Variants in GNB1L observed in about 807,000 individuals in gnomAD.
GNB1L encodes guanine nucleotide-binding protein subunit beta-like protein 1.
In GNB1L, 20 loss-of-function variants were observed where a neutral mutation model predicts 29.1. The ratio of observed to expected loss-of-function variants is 0.69; its 90% CI spans 0.48 to 1.00. The LOEUF is 1.00. GNB1L is among the 50% of genes least tolerant of loss of function. The probability of loss-of-function intolerance (pLI) is 0.00; values close to 1 mark genes in which losing one functional copy is unlikely to be tolerated. For synonymous variants in GNB1L, 193 were observed against 206.5 expected, an observed-to-expected ratio of 0.93 and a Z score of 0.56; for missense variants, 421 against 464.9, an observed-to-expected ratio of 0.91 and a Z score of 0.87.
intron 2 of GNB1L, among the ~76,000 whole-genome samples, chr22:19,843,867 G>T (rs768054438): frequency 9.2e-5 from 14 of 152,214 alleles, no homozygotes; most frequent in Non-Finnish European, 1.8e-4. Context: ...CTCCATCCTA[G>T]AGAAATGGTC....
At chr22:19,827,287 CCTAT>C (rs1320508246) in intron 2 of GNB1L, among the ~76,000 whole-genome samples, 1 of 152,134 alleles carries the variant, frequency 6.6e-6, no homozygotes, top group East Asian at 1.9e-4. Context: ...TTAATCTCTA[CCTAT>C]CTATGTATGA....
At chr22:19,828,955 C>T (rs529245424) in intron 2 of GNB1L, among the ~76,000 whole-genome samples, 65 of 152,188 alleles carry the variant, frequency 4.3e-4, no homozygotes, top group Non-Finnish European at 8.1e-4. Context: ...CCTCAGCCTC[C>T]CGAGTAGCTG....
intron 7 of GNB1L, chr22:19,792,596 G>A: frequency 4.4e-6 from 7 of 1,597,562 alleles, no homozygotes; most frequent in Admixed American, 1.7e-5. Context: ...TGGCCCACAA[G>A]TACAGACCAG....
chr22:19,802,240 A>G, intron 6 of GNB1L, 24 bp from the exon 7 acceptor site: 3 of 1,590,286 alleles, frequency 1.9e-6, no homozygotes, highest in Non-Finnish European at 2.6e-6. Flanking sequence ...CAGAGCAGTC[A>G]GCTCCTGGAA....
rs113860931 is a variant in GNB1L at position 19,820,116 on chromosome 22, T to G, written c.254+482A>C. On this transcript the variant is annotated intron_variant, in intron 4 of 7. Coordinates refer to ENST00000329517, the MANE Select transcript of GNB1L (RefSeq NM_053004.3). ...CGGCACCGTGTGTGACCTGCCATGC[T>G]CATGGCACACGGCCCAGGCAGGATG... Among the ~76,000 whole-genome samples the G allele has an allele frequency of 9.3e-3, 1,420 of 152,184 alleles. 29 individuals carry two copies. Among genetic ancestry groups the G allele is most frequent in the African/African-American group, 0.032 (1,338 of 41,508 alleles).
chr22:19,826,221 G>A (rs1937618683), intron 2 of GNB1L, among the ~76,000 whole-genome samples: 1 of 152,162 alleles, frequency 6.6e-6, no homozygotes, highest in South Asian at 2.1e-4. Context: ...GTGTTAGGCT[G>A]AGCCAGCACT....
chr22:19,796,488 C>T (rs1413413259), intron 7 of GNB1L, among the ~76,000 whole-genome samples: 1 of 152,194 alleles, frequency 6.6e-6, no homozygotes, highest in African/African-American at 2.4e-5. Flanking sequence ...ATCATTCAGA[C>T]CTTGTTCCCA....
At position 19,793,067 on chromosome 22, in the gene GNB1L, T is replaced by C. The variant is rs1937269864; in HGVS notation, c.733-4107A>G. On this transcript the variant is annotated intron_variant, in intron 7 of 7. Transcript: ENST00000329517. ...TCGCCAAGCTCGAAAAGGCAAAGGC[T>C]AAAGAACTTGCCACTAAACTGGGTT... 7 of 1,593,042 alleles carry C rather than the reference T, an allele frequency of 4.4e-6. No homozygotes were observed. The South Asian group carries it at 5.5e-5, about 13-fold the overall frequency.
chr22:19,811,745 C>T (rs1207856522), intron 5 of GNB1L, among the ~76,000 whole-genome samples: 1 of 152,130 alleles, frequency 6.6e-6, no homozygotes, highest in Non-Finnish European at 1.5e-5. Flanking sequence ...CTGTGATCAC[C>T]ACCTTGTGCC....
rs569853435 is a variant in GNB1L at position 19,823,400 on chromosome 22, G to A, written c.-20-2025C>T. Among the ~76,000 whole-genome samples the A allele has an allele frequency of 9.8e-5, 15 of 152,356 alleles. 1 individual carries two copies. Among genetic ancestry groups the A allele is most frequent in the Admixed American group, 9.8e-4 (15 of 15,308 alleles). On this transcript the variant is annotated intron_variant, in intron 2 of 7. Coordinates refer to ENST00000329517, the MANE Select transcript of GNB1L (RefSeq NM_053004.3). ...TGAAGACGCAGCCAGGCCGGGGGCT[G>A]GAACAGCTGCCCTCAGCGGGCTGGC...
rs78985125 is a variant in GNB1L, at chr22:19,798,813, G to A, written c.732+3188C>T. ...GGGAAGCCTGGTGGGGCCTCCTGGA[G>A]AAAGACTAGGGCCTGCTCCAGCCCT... On this transcript the variant is annotated intron_variant, in intron 7 of 7. Transcript: ENST00000329517. 2.4e-3 allele frequency among the ~76,000 whole-genome samples: 362 copies of A among 152,326 alleles called. 9 individuals are homozygous for A. The South Asian group carries it at 0.058, about 24-fold the overall frequency.
chr22:19,851,428 A>C lies in GNB1L; in HGVS notation c.-21+3015T>G, dbSNP rs1478935796. 2.5e-6 allele frequency: 4 copies of C among 1,613,982 alleles called. No homozygotes were observed. The East Asian group carries it at 6.7e-5, about 27-fold the overall frequency. On this transcript the variant is annotated intron_variant, in intron 2 of 7. Transcript: ENST00000329517. ...GTTCCACAGGACCAGGCTTGGAGCTACATGTAGAACTGGGCAGGACTGGGG... is the reference window on the plus strand; with the variant it reads ...GTTCCACAGGACCAGGCTTGGAGCTCCATGTAGAACTGGGCAGGACTGGGG...
chr22:19,852,275 G>A, intron 2 of GNB1L: 1 of 1,589,704 alleles, frequency 6.3e-7, no homozygotes, highest in Non-Finnish European at 8.6e-7. Context: ...GGGAGCACAG[G>A]GGAGAAGAGA....
At chr22:19,844,634 T>C (rs1007336835) in intron 2 of GNB1L, among the ~76,000 whole-genome samples, 2 of 151,854 alleles carry the variant, frequency 1.3e-5, no homozygotes, top group Non-Finnish European at 2.9e-5. Flanking sequence ...GCAGGCGGGG[T>C]CTCTCTGTGA....
At chr22:19,801,020 G>A (rs2145866870) in intron 7 of GNB1L, among the ~76,000 whole-genome samples, 1 of 152,314 alleles carries the variant, frequency 6.6e-6, no homozygotes, top group African/African-American at 2.4e-5. Flanking sequence ...CCCGAGGAAT[G>A]CCCTCTCTGT....
chr22:19,836,419 C>T (rs1427475792), intron 2 of GNB1L, among the ~76,000 whole-genome samples: 1 of 152,028 alleles, frequency 6.6e-6, no homozygotes, highest in East Asian at 1.9e-4. Context: ...AAAATTCCAG[C>T]CCACATGACT....
At chr22:19,846,492 G>A in intron 2 of GNB1L, 7 of 985,402 alleles carry the variant, frequency 7.1e-6, no homozygotes, top group Non-Finnish European at 8.4e-6. Flanking sequence ...ACACAGGCAT[G>A]TGGAGACCAC....
chr22:19,813,613 G>C (rs1392648629), intron 4 of GNB1L, among the ~76,000 whole-genome samples: 2 of 152,146 alleles, frequency 1.3e-5, no homozygotes, highest in African/African-American at 4.8e-5. Flanking sequence ...GTTTGAACCC[G>C]GGAGGCAGAG....
chr22:19,802,859 TG>T (rs1256896599), intron 6 of GNB1L, among the ~76,000 whole-genome samples: 4 of 152,250 alleles, frequency 2.6e-5, no homozygotes, highest in African/African-American at 9.6e-5. Context: ...CTCCAAGCCC[TG>T]GGCAGACACC....
Sources: gnomAD v4.1 joint callset for allele counts (sites outside exome capture counted in the v4.1 genomes callset) on GRCh38, gnomAD v4.1.1 for gene constraint, MANE v1.5 for transcripts, NCBI Gene and HGNC (gene_info 2026-07-23, HGNC 2026-07-21) for gene names.